Variants in DGKI observed in about 807,000 individuals in gnomAD.
The protein encoded by DGKI is diacylglycerol kinase iota.
In DGKI, 55 loss-of-function variants were observed where a neutral mutation model predicts 147.5. That is an observed-to-expected ratio of 0.37 (90% CI 0.30 to 0.47). The LOEUF (loss-of-function observed/expected upper bound fraction) is 0.47. Ranked by LOEUF, DGKI falls within the 20% of genes least tolerant of loss-of-function variation. DGKI has a pLI of 1.00. For synonymous variants in DGKI, 469 were observed against 477.1 expected, an observed-to-expected ratio of 0.98 and a Z score of 0.22; for missense variants, 1,007 against 1,323.8, an observed-to-expected ratio of 0.76 and a Z score of 3.71.
chr7:137,620,349 T>G (rs1005122943), intron 7 of DGKI, among the ~76,000 whole-genome samples: 1 of 152,198 alleles, frequency 6.6e-6, no homozygotes, highest in Non-Finnish European at 1.5e-5. Flanking sequence ...ACACTTCCCT[T>G]GACCTGTGCT....
intron 1 of DGKI, among the ~76,000 whole-genome samples, chr7:137,714,868 C>A (rs905738290): frequency 1.3e-5 from 2 of 152,214 alleles, no homozygotes; most frequent in African/African-American, 4.8e-5. Context: ...CATGAATCCA[C>A]ATATGTGGTC....
chr7:137,535,762 A>G (rs1349108886), intron 20 of DGKI, among the ~76,000 whole-genome samples: 1 of 152,212 alleles, frequency 6.6e-6, no homozygotes, highest in Non-Finnish European at 1.5e-5. Context: ...AAGGGGCCCT[A>G]AGTGTATTGC....
intron 1 of DGKI, among the ~76,000 whole-genome samples, chr7:137,755,883 C>T (rs1795662608): frequency 6.6e-6 from 1 of 152,122 alleles, no homozygotes; most frequent in Non-Finnish European, 1.5e-5. Flanking sequence ...AACTGCAAAA[C>T]TCTGAAAATT....
chr7:137,696,250 C>T (rs147493122), intron 1 of DGKI, among the ~76,000 whole-genome samples: 40 of 152,226 alleles, frequency 2.6e-4, no homozygotes, highest in African/African-American at 9.4e-4. Flanking sequence ...AATAATTCCA[C>T]GGTTGCCAAA....
Position 137,511,934 on chromosome 7 carries a change from G to C in DGKI, c.2248+9932C>G, listed in dbSNP as rs113379422. On this transcript the variant is annotated intron_variant, in intron 21 of 32. Transcript: ENST00000614521. ...AGAAAACTCAAAATGGCTGTCCCAG[G>C]TCCAAAGGTCCCTGTGGGAGTCCTC... Among the ~76,000 whole-genome samples, 8 of 152,238 alleles carry C rather than the reference G, an allele frequency of 5.3e-5. 2 individuals are homozygous for C. Among genetic ancestry groups the C allele is most frequent in the African/African-American group, 1.9e-4 (8 of 41,532 alleles).
intron 11 of DGKI, 54 bp downstream of exon 11, chr7:137,599,769 A>C: frequency 6.5e-7 from 1 of 1,537,378 alleles, no homozygotes; most frequent in African/African-American, 1.4e-5. Context: ...TGAAGCAGAA[A>C]ATTCTCACTT....
At chr7:137,585,650 A>G (rs767815930) in intron 13 of DGKI, among the ~76,000 whole-genome samples, 2 of 152,324 alleles carry the variant, frequency 1.3e-5, no homozygotes, top group Middle Eastern at 3.4e-3. Flanking sequence ...TTATCAGAGT[A>G]AAAAACAGGA....
chr7:137,435,143 G>A (rs1206477136), intron 28 of DGKI, among the ~76,000 whole-genome samples: 1 of 152,214 alleles, frequency 6.6e-6, no homozygotes, highest in Non-Finnish European at 1.5e-5. Flanking sequence ...AAATTTAACA[G>A]TAAGACTTGT....
In DGKI at chr7:137,678,590, G is replaced by A; in HGVS notation, c.573C>T (p.Tyr191=). The change falls in exon 3 of 33, where the codon TAC becomes TAT. Residue 191 remains tyrosine (Y), a synonymous_variant. Transcript: ENST00000614521. The part of the protein sequence containing the change: ...LETNVSGDLC[Y]LGEENCQVRF... ...TGACTTGGCAGTTCTCCTCTCCAAG[G>A]TAGCAGAGGTCTCCCGAGACGTTGG... The A allele has an allele frequency of 1.9e-6, 3 of 1,614,116 alleles. No individual in the cohort carries two copies. The highest frequency in any genetic ancestry group is 1.3e-5 in the African/African-American group (1 of 75,024).
At chr7:137,597,324 A>G (rs1563104050) in intron 12 of DGKI, among the ~76,000 whole-genome samples, 1 of 152,172 alleles carries the variant, frequency 6.6e-6, no homozygotes, top group African/African-American at 2.4e-5. Flanking sequence ...CATTCTATGC[A>G]TATAACAAAA....
chr7:137,539,516 C>T (rs564940783), intron 20 of DGKI, among the ~76,000 whole-genome samples: 2 of 152,172 alleles, frequency 1.3e-5, no homozygotes, highest in Admixed American at 6.6e-5. Context: ...CCACCCAGAT[C>T]CCATACTGGC....
intron 28 of DGKI, among the ~76,000 whole-genome samples, chr7:137,442,374 C>T (rs961938859): frequency 6.6e-6 from 1 of 152,118 alleles, no homozygotes; most frequent in Admixed American, 6.5e-5. Context: ...AGTGGATTAT[C>T]AAATTATAAT....
chr7:137,743,362 A>C (rs774164340), intron 1 of DGKI, among the ~76,000 whole-genome samples: 1 of 152,240 alleles, frequency 6.6e-6, no homozygotes, highest in South Asian at 2.1e-4. Context: ...TACTGTAAAA[A>C]GTACCACATG....
At chr7:137,454,062 C>T (rs902928494) in intron 27 of DGKI, among the ~76,000 whole-genome samples, 2 of 151,838 alleles carry the variant, frequency 1.3e-5, no homozygotes, top group African/African-American at 2.4e-5. Flanking sequence ...ATCCATTGTA[C>T]AACATGGTGA....
intron 21 of DGKI, among the ~76,000 whole-genome samples, chr7:137,505,987 G>C (rs997169279): frequency 6.6e-6 from 1 of 152,044 alleles, no homozygotes. Context: ...GGAGCAATAG[G>C]AACATTCATT....
chr7:137,423,530 C>T (rs920456055), intron 28 of DGKI, among the ~76,000 whole-genome samples: 1 of 152,154 alleles, frequency 6.6e-6, no homozygotes, highest in Non-Finnish European at 1.5e-5. Flanking sequence ...TGTTTAAGGT[C>T]AGAAGCCAAG....
chr7:137,515,788 A>G (rs1255431040), intron 21 of DGKI, among the ~76,000 whole-genome samples: 1 of 152,112 alleles, frequency 6.6e-6, no homozygotes, highest in Non-Finnish European at 1.5e-5. Flanking sequence ...TAAAAAAGGC[A>G]TTTCCTAGCT....
rs566668227 is a variant in DGKI at position 137,577,186 on chromosome 7, A to G, written c.1761+36T>C. 14 of 1,457,422 alleles carry G rather than the reference A, an allele frequency of 9.6e-6. No individual in the cohort carries two copies. In the East Asian group the frequency reaches 3.3e-4, roughly 34 times the overall value. The allele number at this position is 1,457,422 out of a possible 1,614,324, so 90.3% of individuals were successfully genotyped here. ...GAGTTTTTTGTGGCAGTCATATCAT[A>G]TTCAAATTAAATAAATCAACATATT... On this transcript the variant is annotated intron_variant, in intron 17 of 32. Transcript: ENST00000614521.
At position 137,521,938 on chromosome 7, in the gene DGKI, T is replaced by G; in HGVS notation, c.2176A>C (p.Ile726Leu). ...DPQSVPDRLRIRVNKISLQDY... is the reference protein window; with the variant it reads ...DPQSVPDRLRLRVNKISLQDY... The stretch of plus-strand genomic sequence containing the variant: ...TGTAAACTGATTTTGTTCACCCGGA[T>G]CCTCAGACGATCTGGGACAGACTGG... The change falls in exon 21 of 33, where the codon ATC (isoleucine) becomes CTC (leucine). Residue 726 changes from isoleucine (I) to leucine (L), a missense_variant. This residue lies in a region of DGKI where 385 missense variants were observed against 445.2 expected (regional missense o/e 0.86). Coordinates refer to ENST00000614521, the MANE Select transcript of DGKI (RefSeq NM_001321708.2). 1 of 1,611,870 alleles carries G rather than the reference T, an allele frequency of 6.2e-7. No homozygotes were observed. The highest frequency in any genetic ancestry group is 8.5e-7 in the Non-Finnish European group (1 of 1,178,732).
Sources: gnomAD v4.1 joint callset for allele counts (sites outside exome capture counted in the v4.1 genomes callset) on GRCh38, gnomAD v4.1.1 for gene constraint, gnomAD v4.1.1 regional missense constraint, MANE v1.5 for transcripts, NCBI Gene and HGNC (gene_info 2026-07-23, HGNC 2026-07-21) for gene names.